ALG1: variants seen among roughly 807,000 people sequenced by gnomAD.
ALG1 encodes chitobiosyldiphosphodolichol beta-mannosyltransferase.
Under a neutral mutation model 55.1 loss-of-function variants are expected in ALG1, and 58 were observed. The observed-to-expected ratio is 1.05, with a 90% CI of 0.85 to 1.31. The LOEUF (loss-of-function observed/expected upper bound fraction) is 1.31, where lower values mean the gene tolerates loss of function less well. Among genes scored for constraint, ALG1 ranks in the 50% most tolerant of loss-of-function variants. The pLI, the probability that ALG1 is intolerant of heterozygous loss-of-function variation, is 0.00. For missense variants in ALG1, 761 were observed against 598.6 expected, an observed-to-expected ratio of 1.27 and a Z score of -2.83; for synonymous variants, 309 against 247.0, an observed-to-expected ratio of 1.25 and a Z score of -2.35.
At chr16:5,082,325 CACA>C (rs995974895) in intron 10 of ALG1, among the ~76,000 whole-genome samples, 29 of 139,186 alleles carry the variant, frequency 2.1e-4, no homozygotes, top group South Asian at 6.5e-4. Context: ...AACAAAACAA[CACA>C]ACAACAAAAA....
At position 5,080,136 on chromosome 16, in the gene ALG1, C is replaced by T. The variant is rs1361733497; in HGVS notation, c.961+329C>T. On this transcript the variant is annotated intron_variant, in intron 9 of 12. Coordinates refer to ENST00000262374, the MANE Select transcript of ALG1 (RefSeq NM_019109.5). ...AGGCTGGAGTGCAGTGGTGCGATCT[C>T]GGCTCACTGCAACCTCCGCCTCCCA... Among the ~76,000 whole-genome samples the T allele has an allele frequency of 1.7e-4, 25 of 146,878 alleles. No homozygotes were observed. In the East Asian group the frequency reaches 1.8e-3, roughly 11 times the overall value.
intron 3 of ALG1, among the ~76,000 whole-genome samples, chr16:5,074,588 C>T (rs1956875091): frequency 6.6e-6 from 1 of 152,178 alleles, no homozygotes; most frequent in Admixed American, 6.5e-5. Context: ...CCAAGCACAG[C>T]GAGCATATGC....
In ALG1 at chr16:5,071,894, GC is replaced by G; in HGVS notation, c.47del (p.Pro16ArgfsTer20). On this transcript the variant is annotated frameshift_variant, in exon 1 of 13. Coordinates refer to ENST00000262374, the MANE Select transcript of ALG1 (RefSeq NM_019109.5). LOFTEE classifies it high-confidence loss of function. ...LVLLALCLLLPLLLLGGWKRW... is the reference protein window; with the variant it reads ...LVLLALCLLLXLLLLGGWKRW... ...TCCTGCTGGCGCTGTGTCTGCTGCT[GC>G]CGCTGCTGCTGCTGGGAGGATGGAA... 1 of 1,601,078 alleles carries G rather than the reference GC, an allele frequency of 6.2e-7. No homozygotes were observed. The highest frequency in any genetic ancestry group is 8.5e-7 in the Non-Finnish European group (1 of 1,175,580).
chr16:5,073,214 G>A lies in ALG1; in HGVS notation c.348G>A (p.Trp116Ter), dbSNP rs1239451251. Residue 116 changes from tryptophan to a stop codon, truncating the protein, a stop_gained, in exon 3 of 13, where the codon TGG becomes TGA. Transcript: ENST00000262374. LOFTEE classifies it high-confidence loss of function. The stretch of plus-strand genomic sequence containing the variant: ...TACTTCAGGCTATGTACTTGCTGTG[G>A]AAGTTGATGTGGAGGGAGCCAGGTG... ...KVVLQAMYLLWKLMWREPGAY... is the reference protein window; with the variant it reads ...KVVLQAMYLL 1 of 1,614,212 alleles carries A rather than the reference G, an allele frequency of 6.2e-7. No individual in the cohort carries two copies. Among genetic ancestry groups the A allele is most frequent in the East Asian group, 2.2e-5 (1 of 44,888 alleles).
At chr16:5,077,227 C>T (rs1956929021) in intron 4 of ALG1, among the ~76,000 whole-genome samples, 1 of 152,170 alleles carries the variant, frequency 6.6e-6, no homozygotes, top group South Asian at 2.1e-4. Flanking sequence ...GGCTGGAGTG[C>T]AGTTTCCTTT....
At chr16:5,081,930 T>C (rs1226717931) in intron 10 of ALG1, among the ~76,000 whole-genome samples, 2 of 152,084 alleles carry the variant, frequency 1.3e-5, no homozygotes, top group East Asian at 3.9e-4. Context: ...TTGTGGTGGG[T>C]GTGCTGTGGT....
Position 5,085,616 on chromosome 16 carries a change from G to C in ALG1, c.*735G>C. The C allele has an allele frequency of 6.5e-7, 1 of 1,534,868 alleles. No homozygotes were observed. Among genetic ancestry groups the C allele is most frequent in the Non-Finnish European group, 9.0e-7 (1 of 1,109,798 alleles). ...TGACTTGATTCTCACAATCCCGTTG[G>C]AGTCGTGTGTGAGTCCTACAGGGTG... On this transcript the variant is annotated 3_prime_UTR_variant, in exon 13 of 13. Transcript: ENST00000262374.
intron 9 of ALG1, 102 bp from the exon 10 acceptor site, chr16:5,080,844 T>C: frequency 6.7e-7 from 1 of 1,486,548 alleles, no homozygotes; most frequent in Non-Finnish European, 9.2e-7. Context: ...GGGGTGGAGC[T>C]TCTGGGAAAG....
chr16:5,083,803 C>T (rs1446961435), intron 12 of ALG1, 46 bp downstream of exon 12: 2 of 1,597,196 alleles, frequency 1.3e-6, no homozygotes, highest in Non-Finnish European at 1.7e-6. Flanking sequence ...GTTCTGGAGA[C>T]TGGCACCGAG....
chr16:5,073,049 G>GA, intron 2 of ALG1, 21 bp downstream of exon 2: 1 of 1,613,322 alleles, frequency 6.2e-7, no homozygotes, highest in Non-Finnish European at 8.5e-7. Flanking sequence ...GTCAACTCCA[G>GA]AATCCTCTGA....
chr16:5,077,063 G>A (rs915588967), intron 4 of ALG1, among the ~76,000 whole-genome samples: 3 of 152,104 alleles, frequency 2.0e-5, no homozygotes, highest in Admixed American at 6.6e-5. Flanking sequence ...GGGATTACAG[G>A]CATGAGCCAC....
chr16:5,077,557 CGGCCTGGGAGAGGCGCGGG>C, intron 5 of ALG1, 23 bp downstream of exon 5: 1 of 1,612,614 alleles, frequency 6.2e-7, no homozygotes, highest in Non-Finnish European at 8.5e-7. Context: ...GGGATGACGG[CGGCCTGGGAGAGGCGCGGG>C]GCCCCTGATT....
At chr16:5,080,798 G>C (rs1382705500) in intron 9 of ALG1, 148 bp from the exon 10 acceptor site, 2 of 1,132,250 alleles carry the variant, frequency 1.8e-6, no homozygotes, top group Non-Finnish European at 1.3e-6. Context: ...GGTTGCTTCT[G>C]GAAGGGCCCG....
chr16:5,084,674 G>C, intron 12 of ALG1, 76 bp from the exon 13 acceptor site: 3 of 1,592,822 alleles, frequency 1.9e-6, no homozygotes, highest in Non-Finnish European at 2.5e-6. Context: ...TCGGGGACCT[G>C]GGGTCAGCCA....
intron 4 of ALG1, among the ~76,000 whole-genome samples, chr16:5,076,461 T>G (rs1339896183): frequency 6.6e-6 from 1 of 152,222 alleles, no homozygotes; most frequent in East Asian, 1.9e-4. Context: ...CTTTTACAAG[T>G]CAGGAAACTG....
At chr16:5,083,446 A>G (rs1957050986) in intron 11 of ALG1, among the ~76,000 whole-genome samples, 1 of 152,212 alleles carries the variant, frequency 6.6e-6, no homozygotes, top group African/African-American at 2.4e-5. Context: ...CACAGAAGGT[A>G]CAAACCCCCC....
Position 5,078,123 on chromosome 16 carries a change from T to G in ALG1, c.740+106T>G. The stretch of plus-strand genomic sequence containing the variant: ...CCCACTCATCCAGGGGTTGGCAAAC[T>G]AAGGCTACAGGCCAGTCTGCTGCTT... On this transcript the variant is annotated intron_variant, in intron 6 of 12. Coordinates refer to ENST00000262374, the MANE Select transcript of ALG1 (RefSeq NM_019109.5). The G allele has an allele frequency of 3.9e-6, 5 of 1,266,104 alleles. No homozygotes were observed. In the South Asian group the frequency reaches 6.2e-5, roughly 16 times the overall value. The allele number at this position is 1,266,104 out of a possible 1,614,324, so 78.4% of individuals were successfully genotyped here. A position where few individuals can be genotyped will look rare whatever the true frequency, so the allele number is the denominator to read the frequency against.
rs1012193854 is a variant in ALG1, at chr16:5,077,915, C to A, written c.638C>A (p.Thr213Asn). ...TCATGATTTCATTGCAGGGCTGTGA[C>A]CGTCTACGACAAGCCCGCATCTTTC... ...LADNWHIRAV[T>N]VYDKPASFFK... Residue 213 changes from threonine (T) to asparagine (N), a missense_variant, in exon 6 of 13, where the codon ACC becomes AAC. Thr to Asn is a moderately conservative substitution (Grantham distance 65, BLOSUM62 0). Transcript: ENST00000262374. 1.2e-6 allele frequency: 2 copies of A among 1,608,150 alleles called. No homozygotes were observed. The highest frequency in any genetic ancestry group is 2.7e-5 in the African/African-American group (2 of 74,854).
Position 5,077,475 on chromosome 16 carries a change from C to T in ALG1, c.570C>T (p.His190=). The part of the protein sequence containing the change: ...WYEKFFGRLS[H]LNLCVTNAMR... ...AGAAGTTCTTTGGGCGCCTGTCCCA[C>T]CTGAACCTGTGTGTTACCAATGCTA... Residue 190 remains histidine (H), a synonymous_variant, in exon 5 of 13, where the codon CAC becomes CAT. Transcript: ENST00000262374. 6.2e-7 allele frequency: 1 copy of T among 1,614,210 alleles called. No homozygotes were observed. Among genetic ancestry groups the T allele is most frequent in the South Asian group, 1.1e-5 (1 of 91,088 alleles).
Sources: allele counts gnomAD v4.1 joint callset (sites outside exome capture counted in the v4.1 genomes callset), GRCh38; gene constraint gnomAD v4.1.1; transcripts MANE v1.5; gene names NCBI Gene and HGNC (gene_info 2026-07-23, HGNC 2026-07-21).